CHCHD3: variants seen among roughly 807,000 people sequenced by gnomAD.
CHCHD3 encodes coiled-coil-helix-coiled-coil-helix domain containing 3.
A neutral mutation model predicts 38.2 loss-of-function variants in CHCHD3; 20 were observed. That is an observed-to-expected ratio of 0.52 (90% CI 0.37 to 0.76). The LOEUF (loss-of-function observed/expected upper bound fraction) is 0.76. CHCHD3 is among the 30% of genes least tolerant of loss of function. The pLI, the probability that CHCHD3 is intolerant of heterozygous loss-of-function variation, is 0.00. For synonymous variants in CHCHD3, 82 were observed against 100.0 expected, an observed-to-expected ratio of 0.82 and a Z score of 1.07; for missense variants, 245 against 279.2, an observed-to-expected ratio of 0.88 and a Z score of 0.87.
chr7:132,801,514 C>T (rs2117036779), intron 6 of CHCHD3, among the ~76,000 whole-genome samples: 1 of 152,276 alleles, frequency 6.6e-6, no homozygotes, highest in South Asian at 2.1e-4. Context: ...TGATTACTAA[C>T]ATGATGAATG....
At chr7:132,874,650 A>T (rs1366909444) in intron 5 of CHCHD3, among the ~76,000 whole-genome samples, 4 of 152,214 alleles carry the variant, frequency 2.6e-5, no homozygotes, top group African/African-American at 9.6e-5. Context: ...AAGTATGTAC[A>T]ACTCTTGGGT....
intron 5 of CHCHD3, among the ~76,000 whole-genome samples, chr7:132,843,037 G>A (rs1033438060): frequency 1.1e-4 from 17 of 152,018 alleles, no homozygotes; most frequent in Admixed American, 5.9e-4. Context: ...GATTTCTTTC[G>A]TTTTTGTTTA....
At chr7:132,985,024 G>A (rs1812058783) in intron 3 of CHCHD3, among the ~76,000 whole-genome samples, 1 of 97,504 alleles carries the variant, frequency 1.0e-5, no homozygotes, top group African/African-American at 3.8e-5. Context: ...TGGGAGGGAG[G>A]TGGGGGTCAG....
chr7:132,790,814 G>A lies in CHCHD3; in HGVS notation c.661-5154C>T, dbSNP rs1806441443. On this transcript the variant is annotated intron_variant, in intron 7 of 7. Coordinates refer to ENST00000262570, the MANE Select transcript of CHCHD3 (RefSeq NM_017812.4). ...GACTGGGAGCAGTAGAACCAAGGGA[G>A]GGTCTGGTCACAGCTGTGAGCTAGC... is the stretch of plus-strand genomic sequence containing the variant. Among the ~76,000 whole-genome samples, 3 of 152,308 alleles carry A rather than the reference G, an allele frequency of 2.0e-5. No homozygotes were observed. In the South Asian group the frequency reaches 6.2e-4, roughly 32 times the overall value.
chr7:132,969,185 G>C (rs1811550345), intron 4 of CHCHD3, among the ~76,000 whole-genome samples: 1 of 148,686 alleles, frequency 6.7e-6, no homozygotes, highest in African/African-American at 2.5e-5. Context: ...ACAGTATAAG[G>C]TTTTACAAAT....
chr7:132,895,657 T>G (rs1313284979), intron 4 of CHCHD3, among the ~76,000 whole-genome samples: 1 of 152,250 alleles, frequency 6.6e-6, no homozygotes, highest in African/African-American at 2.4e-5. Flanking sequence ...GAGATATGAT[T>G]GTTTTATAAA....
At chr7:132,968,551 A>C (rs1163903689) in intron 4 of CHCHD3, among the ~76,000 whole-genome samples, 2 of 152,238 alleles carry the variant, frequency 1.3e-5, no homozygotes, top group African/African-American at 4.8e-5. Flanking sequence ...GTTAGTGTCT[A>C]GGGCAAGAAA....
chr7:132,867,505 G>A (rs1808663279), intron 5 of CHCHD3, among the ~76,000 whole-genome samples: 1 of 152,120 alleles, frequency 6.6e-6, no homozygotes, highest in Non-Finnish European at 1.5e-5. Flanking sequence ...ACAGAGGTAG[G>A]TTTTTGAGAA....
intron 6 of CHCHD3, among the ~76,000 whole-genome samples, chr7:132,801,738 G>C (rs1381638878): frequency 2.0e-5 from 3 of 152,252 alleles, no homozygotes; most frequent in Non-Finnish European, 4.4e-5. Flanking sequence ...GCTTTGGCTA[G>C]CTAGAAAACA....
At chr7:132,849,549 T>A (rs1168066495) in intron 5 of CHCHD3, 1 of 152,226 alleles carries the variant, frequency 6.6e-6, no homozygotes, top group Non-Finnish European at 1.5e-5. Context: ...ATTCCATAGT[T>A]AAGCCAAATT....
chr7:132,949,011 A>C (rs1470991854), intron 4 of CHCHD3, among the ~76,000 whole-genome samples: 2 of 152,182 alleles, frequency 1.3e-5, no homozygotes, highest in East Asian at 3.8e-4. Flanking sequence ...AATACATATA[A>C]TCAAAACGTC....
chr7:132,849,612 T>C (rs906258781), intron 5 of CHCHD3: 4 of 152,174 alleles, frequency 2.6e-5, no homozygotes, highest in Admixed American at 1.3e-4. Context: ...AATCTCTCCT[T>C]CCTCCTTAGA....
At chr7:132,828,812 T>C (rs1807570718) in intron 6 of CHCHD3, among the ~76,000 whole-genome samples, 1 of 152,218 alleles carries the variant, frequency 6.6e-6, no homozygotes, top group Non-Finnish European at 1.5e-5. Context: ...TGTTATACTA[T>C]GGCTGAACCT....
At chr7:132,866,338 T>C (rs1435750934) in intron 5 of CHCHD3, among the ~76,000 whole-genome samples, 1 of 152,182 alleles carries the variant, frequency 6.6e-6, no homozygotes, top group Non-Finnish European at 1.5e-5. Flanking sequence ...ATAAAGTACA[T>C]ACCCTTACTG....
intron 3 of CHCHD3, among the ~76,000 whole-genome samples, chr7:132,999,102 G>A (rs1812497931): frequency 2.0e-5 from 3 of 152,174 alleles, no homozygotes; most frequent in Admixed American, 6.5e-5. Flanking sequence ...CTGGGATACA[G>A]AGAGAGACCC....
chr7:132,835,545 C>G (rs1807759055), intron 6 of CHCHD3, among the ~76,000 whole-genome samples: 1 of 152,180 alleles, frequency 6.6e-6, no homozygotes, highest in Admixed American at 6.5e-5. Flanking sequence ...TTCCCGTGGC[C>G]TCTCGCACTC....
intron 7 of CHCHD3, among the ~76,000 whole-genome samples, chr7:132,793,933 C>A (rs1806535113): frequency 6.6e-6 from 1 of 152,176 alleles, no homozygotes. Flanking sequence ...TTAACAGGGG[C>A]ACAGCTGGGG....
chr7:133,018,144 T>A (rs1813079592), intron 3 of CHCHD3, among the ~76,000 whole-genome samples: 1 of 152,104 alleles, frequency 6.6e-6, no homozygotes, highest in Admixed American at 6.5e-5. Flanking sequence ...TCTAAAATAG[T>A]GGGACTTTTA....
intron 4 of CHCHD3, among the ~76,000 whole-genome samples, chr7:132,930,163 A>AT (rs769791949): frequency 0.015 from 1,854 of 127,462 alleles, 55 homozygotes; most frequent in African/African-American, 0.039. Context: ...CCCACTCCTA[A>AT]TTTTTTTTTT....
Sources: allele counts gnomAD v4.1 joint callset (sites outside exome capture counted in the v4.1 genomes callset), GRCh38; gene constraint gnomAD v4.1.1; transcripts MANE v1.5; gene names NCBI Gene and HGNC (gene_info 2026-07-23, HGNC 2026-07-21).